The following TRMO variants were observed in gnomAD, a reference collection of about 807,000 sequenced individuals.
The protein encoded by TRMO is tRNA methyltransferase O.
TRMO carries 30 observed loss-of-function variants against 37.2 expected under a neutral mutation model. The ratio of observed to expected loss-of-function variants is 0.81; its 90% CI spans 0.60 to 1.09. TRMO has a LOEUF of 1.09. TRMO is among the 50% of genes least tolerant of loss of function. The probability of loss-of-function intolerance (pLI) is 0.00; values close to 1 mark genes in which losing one functional copy is unlikely to be tolerated. For missense variants in TRMO, 552 were observed against 549.5 expected (o/e 1.00, Z -0.05); for synonymous variants, 239 against 199.4 (o/e 1.20, Z -1.67).
chr9:97,899,208 G>A, the TRMO span, among the ~76,000 whole-genome samples: 1 of 149,788 alleles, frequency 6.7e-6, no homozygotes, highest in Admixed American at 6.7e-5. Context: ...GAAAGTAGAA[G>A]AGAAAGCGTA....
chr9:97,921,195 A>T lies in TRMO; in HGVS notation c.76+1223T>A, dbSNP rs1826612258. On this transcript the variant is annotated intron_variant, in intron 1 of 4. Transcript: ENST00000375119. ...GGCTTCAAGAGCTTTCTTTTAGAAC[A>T]ATGCAAACTGGCAATAACTTAAATG... 2.6e-5 allele frequency among the ~76,000 whole-genome samples: 4 copies of T among 152,352 alleles called. No homozygotes were observed. In the South Asian group the frequency reaches 8.3e-4, roughly 32 times the overall value.
intron 1 of TRMO, among the ~76,000 whole-genome samples, chr9:97,918,347 C>T (rs1023558481): frequency 1.1e-4 from 17 of 150,042 alleles, no homozygotes; most frequent in Non-Finnish European, 1.9e-4. Flanking sequence ...GCCAAGATCA[C>T]GCCACTGCAC....
downstream of TRMO, among the ~76,000 whole-genome samples, chr9:97,901,739 T>C (rs987204673): frequency 7.1e-6 from 1 of 141,274 alleles, no homozygotes; most frequent in Non-Finnish European, 1.5e-5. Context: ...GCTTGGATGG[T>C]TGCCTGCTCT....
intron 2 of TRMO, among the ~76,000 whole-genome samples, chr9:97,914,398 G>A (rs1278558956): frequency 6.6e-6 from 1 of 152,194 alleles, no homozygotes; most frequent in Non-Finnish European, 1.5e-5. Context: ...AACATATTGT[G>A]TTGGGAAGGG....
Position 97,910,300 on chromosome 9 carries a change from T to C in TRMO, c.726A>G (p.Gln242=), listed in dbSNP as rs145278264. 42 of 1,614,260 alleles carry C rather than the reference T, an allele frequency of 2.6e-5. No individual in the cohort carries two copies. Among genetic ancestry groups the C allele is most frequent in the Non-Finnish European group, 3.4e-5 (40 of 1,180,046 alleles). Residue 242 remains glutamine, a synonymous_variant, in exon 4 of 5, where the codon CAA becomes CAG. Coordinates refer to ENST00000375119, the MANE Select transcript of TRMO (RefSeq NM_016481.5). ...CTATCTCCCTGTGCATAGGAAATGCTTGCTGAATTCTGGCTGTGTCACTGT... is the reference window on the plus strand; with the variant it reads ...CTATCTCCCTGTGCATAGGAAATGCCTGCTGAATTCTGGCTGTGTCACTGT... ...LTHSDTARIQ[Q]AFPMHREIAV... is the part of the protein sequence containing the mutation.
chr9:97,906,023 G>A (rs1343195585), intron 4 of TRMO, among the ~76,000 whole-genome samples: 1 of 152,016 alleles, frequency 6.6e-6, no homozygotes, highest in Admixed American at 6.5e-5. Flanking sequence ...AATTAGCCAG[G>A]TATGGTGGCG....
rs368898706 is a variant in TRMO at position 97,910,168 on chromosome 9, G to A, written c.858C>T (p.Asp286=). The change falls in exon 4 of 5, where the codon GAC becomes GAT. Residue 286 remains aspartate (D), a synonymous_variant. Transcript: ENST00000375119. ...PEKSFSEKGT[D]KKLERVEGAA... Reference sequence around the variant, plus strand: ...CTCCTTCCACTCTTTCTAGCTTCTTGTCTGTACCTTTCTCTGAAAAGCTCT... The same window carrying A: ...CTCCTTCCACTCTTTCTAGCTTCTTATCTGTACCTTTCTCTGAAAAGCTCT... 2.0e-5 allele frequency: 33 copies of A among 1,614,026 alleles called. No homozygotes were observed. Among genetic ancestry groups the A allele is most frequent in the Non-Finnish European group, 2.7e-5 (32 of 1,180,032 alleles).
At chr9:97,898,450 G>GC in the TRMO span, among the ~76,000 whole-genome samples, 1 of 151,996 alleles carries the variant, frequency 6.6e-6, no homozygotes. Context: ...TCCTACCTCA[G>GC]CCCCCCACCC....
chr9:97,916,293 G>T lies in TRMO; in HGVS notation c.122C>A (p.Ser41Ter). The change falls in exon 2 of 5, where the codon TCG becomes TAG. Residue 41 changes from serine (S) to a stop codon, truncating the protein, a stop_gained. Coordinates refer to ENST00000375119, the MANE Select transcript of TRMO (RefSeq NM_016481.5). LOFTEE classifies it high-confidence loss of function. ...CTGTCTTGGAGTACCATTCTTGGCC[G>T]AGAAACAAGATTCCAAGTAGCCGAC... is the stretch of plus-strand genomic sequence containing the variant. ...EPVGYLESCF[S>*]AKNGTPRQPS... is the part of the protein sequence containing the mutation. The T allele has an allele frequency of 6.2e-7, 1 of 1,612,986 alleles. No homozygotes were observed. Among genetic ancestry groups the T allele is most frequent in the Middle Eastern group, 1.7e-4 (1 of 6,058 alleles).
At chr9:97,901,340 A>G (rs897200868), downstream of TRMO, among the ~76,000 whole-genome samples, 1 of 152,226 alleles carries the variant, frequency 6.6e-6, no homozygotes, top group Non-Finnish European at 1.5e-5. Flanking sequence ...CTCTGGCCAA[A>G]GAGTCTTAAA....
downstream of TRMO, among the ~76,000 whole-genome samples, chr9:97,903,805 A>G (rs926404838): frequency 2.0e-5 from 3 of 152,122 alleles, no homozygotes; most frequent in Non-Finnish European, 4.4e-5. Flanking sequence ...AAAAAACAGT[A>G]ATTATAGGCC....
chr9:97,902,339 C>T (rs936658031), downstream of TRMO, among the ~76,000 whole-genome samples: 6 of 152,144 alleles, frequency 3.9e-5, no homozygotes, highest in Non-Finnish European at 7.4e-5. Flanking sequence ...CTCACTCTGT[C>T]GCCCAGGCTG....
chr9:97,906,090 G>GGAGGTTGCAGTGAGCC (rs1825842053), intron 4 of TRMO, among the ~76,000 whole-genome samples: 1 of 151,688 alleles, frequency 6.6e-6, no homozygotes, highest in Admixed American at 6.6e-5. Context: ...CCCGGGAGGT[G>GGAGGTTGCAGTGAGCC]GAGGTTGCAG....
At position 97,910,420 on chromosome 9, in the gene TRMO, C is replaced by G; in HGVS notation, c.606G>C (p.Gln202His). The change falls in exon 4 of 5, where the codon CAG (glutamine) becomes CAC (histidine). Residue 202 changes from glutamine (Q) to histidine (H), a missense_variant. Transcript: ENST00000375119. Reference protein sequence around the residue: ...DSKTDSCDQRQLSGCDEPQPH... With the variant: ...DSKTDSCDQRHLSGCDEPQPH... ...GTTGTGGCTCATCACACCCTGAGAG[C>G]TGTCGCTGGTCACAGCTGTCAGTCT... 11 of 1,614,180 alleles carry G rather than the reference C, an allele frequency of 6.8e-6. No homozygotes were observed. Among genetic ancestry groups the G allele is most frequent in the Non-Finnish European group, 9.3e-6 (11 of 1,180,026 alleles).
At position 97,916,333 on chromosome 9, in the gene TRMO, G is replaced by T; in HGVS notation, c.82C>A (p.Leu28Ile). The T allele has an allele frequency of 1.9e-6, 3 of 1,606,958 alleles. No individual in the cohort carries two copies. The highest frequency in any genetic ancestry group is 2.5e-6 in the Non-Finnish European group (3 of 1,177,138). The change falls in exon 2 of 5, where the codon CTT becomes ATT. Residue 28 changes from leucine to isoleucine, a missense_variant. Coordinates refer to ENST00000375119, the MANE Select transcript of TRMO (RefSeq NM_016481.5). Reference protein sequence around the residue: ...CVKPALETGNLLTEPVGYLES... With the variant: ...CVKPALETGNILTEPVGYLES... ...AAGTAGCCGACTGGCTCAGTTAAAA[G>T]ATTCCCTACAGGAGAAAATTAGGTA... is the stretch of plus-strand genomic sequence containing the variant.
intron 2 of TRMO, among the ~76,000 whole-genome samples, chr9:97,915,333 G>A (rs1015652059): frequency 1.3e-5 from 2 of 152,344 alleles, no homozygotes; most frequent in African/African-American, 4.8e-5. Flanking sequence ...AAAGGTCAGA[G>A]AGTAATATTT....
chr9:97,909,843 C>G (rs942664764), intron 4 of TRMO, 117 bp downstream of exon 4: 1 of 717,804 alleles, frequency 1.4e-6, no homozygotes, highest in African/African-American at 1.8e-5. Context: ...ATACCTGTTT[C>G]CTAAAAACCA....
At position 97,904,553 on chromosome 9, in the gene TRMO, T is replaced by C; in HGVS notation, c.*180A>G. The C allele has an allele frequency of 7.0e-6, 10 of 1,420,402 alleles. No individual in the cohort carries two copies. The highest frequency in any genetic ancestry group is 9.2e-6 in the Non-Finnish European group (10 of 1,091,188). 88.0% of individuals were successfully genotyped at this position (1,420,402 alleles called of 1,614,324 possible). On this transcript the variant is annotated 3_prime_UTR_variant, in exon 5 of 5. Coordinates refer to ENST00000375119, the MANE Select transcript of TRMO (RefSeq NM_016481.5). ...TTTGGTGATTTCTCTGTATTTTATA[T>C]CTCTTTGTTAAGTTTATTAATGTAT...
intron 1 of TRMO, among the ~76,000 whole-genome samples, chr9:97,921,777 T>C (rs1287176890): frequency 6.6e-6 from 1 of 152,166 alleles, no homozygotes. Context: ...TTTAAATTAT[T>C]TTAACGTTAC....
Sources: gnomAD v4.1 joint callset for allele counts (sites outside exome capture counted in the v4.1 genomes callset) on GRCh38, gnomAD v4.1.1 for gene constraint, MANE v1.5 for transcripts, NCBI Gene and HGNC (gene_info 2026-07-23, HGNC 2026-07-21) for gene names.